Variants in CHEK2 observed in about 807,000 individuals in gnomAD.
CHEK2 encodes the protein checkpoint kinase 2.
CHEK2 carries 71 observed loss-of-function variants against 69.1 expected under a neutral mutation model. That is an observed-to-expected ratio of 1.03 (90% CI 0.85 to 1.25). CHEK2 has a LOEUF of 1.25. CHEK2 is among the 50% of genes most tolerant of loss of function. The pLI is 0.00. For missense variants in CHEK2, 664 were observed against 649.6 expected (o/e 1.02, Z -0.24); for synonymous variants, 189 against 226.9 (o/e 0.83, Z 1.50).
chr22:28,702,461 A>C (rs1240877066), intron 8 of CHEK2, among the ~76,000 whole-genome samples: 8 of 148,804 alleles, frequency 5.4e-5, no homozygotes, highest in Non-Finnish European at 1.0e-4. Flanking sequence ...GATGGCCTCG[A>C]TCTCCTGACC....
intron 4 of CHEK2, among the ~76,000 whole-genome samples, chr22:28,720,176 C>A (rs1329712993): frequency 6.6e-6 from 1 of 150,614 alleles, no homozygotes; most frequent in Non-Finnish European, 1.5e-5. Flanking sequence ...CTGCAACCTC[C>A]ACCTCCCAGG....
At chr22:28,691,410 A>G (rs371991582) in intron 13 of CHEK2, among the ~76,000 whole-genome samples, 722 of 104,034 alleles carry the variant, frequency 6.9e-3, no homozygotes, top group South Asian at 0.012. Context: ...ACCCAGAGGT[A>G]GAGGTTGCAG....
rs144377094 is a variant in CHEK2 at position 28,713,923 on chromosome 22, T to C, written c.684-1906A>G. The stretch of plus-strand genomic sequence containing the variant: ...CTCGAACTCCTGACCTCAGGTTATC[T>C]ACCCACCTCAGCCTCCCAAAGTGCT... On this transcript the variant is annotated intron_variant, in intron 5 of 14. Transcript: ENST00000404276. Among the ~76,000 whole-genome samples the C allele has an allele frequency of 8.7e-4, 129 of 148,242 alleles. 3 individuals are homozygous for C. In the East Asian group the frequency reaches 0.025, roughly 29 times the overall value.
At chr22:28,721,181 A>G (rs1931839890) in intron 4 of CHEK2, among the ~76,000 whole-genome samples, 1 of 152,070 alleles carries the variant, frequency 6.6e-6, no homozygotes, top group African/African-American at 2.4e-5. Flanking sequence ...TTTAGCCTAT[A>G]TGACATCTTT....
intron 7 of CHEK2, chr22:28,708,951 TCAAAAA>T (rs1569136203): frequency 4.4e-6 from 1 of 225,504 alleles, no homozygotes; most frequent in South Asian, 2.4e-5. Flanking sequence ...AGCCTCCGTC[TCAAAAA>T]AAAAAAAAAA....
chr22:28,740,630 T>C (rs901553640), intron 1 of CHEK2, among the ~76,000 whole-genome samples: 1 of 152,242 alleles, frequency 6.6e-6, no homozygotes, highest in African/African-American at 2.4e-5. Context: ...TGTGTGCCCA[T>C]GGCTCTGACC....
intron 13 of CHEK2, among the ~76,000 whole-genome samples, chr22:28,691,150 C>A (rs1160989506): frequency 3.3e-5 from 5 of 152,024 alleles, no homozygotes; most frequent in Non-Finnish European, 7.4e-5. Context: ...TGAAGCCAAA[C>A]AGAGTGGTCA....
intron 2 of CHEK2, among the ~76,000 whole-genome samples, chr22:28,728,453 G>A (rs1601834652): frequency 6.6e-6 from 1 of 152,100 alleles, no homozygotes; most frequent in Non-Finnish European, 1.5e-5. Context: ...TAGCACATTG[G>A]GAGGCCAAGG....
intron 1 of CHEK2, among the ~76,000 whole-genome samples, chr22:28,739,873 T>C (rs1256412432): frequency 6.6e-6 from 1 of 152,152 alleles, no homozygotes; most frequent in Non-Finnish European, 1.5e-5. Context: ...TTAAAAGGCA[T>C]TATGCCAACA....
intron 2 of CHEK2, among the ~76,000 whole-genome samples, chr22:28,731,587 C>G (rs893248455): frequency 3.3e-5 from 5 of 152,136 alleles, no homozygotes; most frequent in Non-Finnish European, 7.4e-5. Flanking sequence ...CAGAGTGAGA[C>G]TCCGTCTCAA....
Position 28,703,494 on chromosome 22 carries a change from T to C in CHEK2, c.908+11A>G. On this transcript the variant is annotated intron_variant, in intron 8 of 14. Coordinates refer to ENST00000404276, the MANE Select transcript of CHEK2 (RefSeq NM_007194.4). The stretch of plus-strand genomic sequence containing the variant: ...ATGGAAACAGAAATTTTTAAAAAGT[T>C]TACTACTTACAATTCCAAAACAATA... The C allele has an allele frequency of 7.7e-7, 1 of 1,305,790 alleles. No individual in the cohort carries two copies. The highest frequency in any genetic ancestry group is 1.1e-6 in the Non-Finnish European group (1 of 914,486). The allele number at this position is 1,305,790 out of a possible 1,614,324, so 80.9% of individuals were successfully genotyped here.
At chr22:28,722,717 GT>G (rs2053843318) in intron 4 of CHEK2, among the ~76,000 whole-genome samples, 1 of 151,958 alleles carries the variant, frequency 6.6e-6, no homozygotes. Flanking sequence ...ACTTTATTTT[GT>G]TTGGTTAGAT....
intron 13 of CHEK2, among the ~76,000 whole-genome samples, chr22:28,691,051 T>C (rs1234812060): frequency 6.6e-6 from 1 of 152,132 alleles, no homozygotes; most frequent in Non-Finnish European, 1.5e-5. Flanking sequence ...TCATCTGGAT[T>C]CTACTCCGCA....
At chr22:28,734,788 A>C (rs1054295435) in intron 1 of CHEK2, 61 bp from the exon 2 acceptor site, 96 of 1,409,246 alleles carry the variant, frequency 6.8e-5, no homozygotes, top group Non-Finnish European at 6.8e-5. Context: ...TAAAATTAAA[A>C]AGTAAATGAT....
At chr22:28,736,595 C>T (rs1030822615) in intron 1 of CHEK2, among the ~76,000 whole-genome samples, 3 of 152,164 alleles carry the variant, frequency 2.0e-5, no homozygotes, top group African/African-American at 4.8e-5. Context: ...AACTGGAGAC[C>T]GTAACAGAGG....
chr22:28,738,601 G>A (rs866906667), intron 1 of CHEK2, among the ~76,000 whole-genome samples: 21 of 152,274 alleles, frequency 1.4e-4, no homozygotes, highest in African/African-American at 4.3e-4. Context: ...GCCATGCAGA[G>A]AAGTGAGTGA....
chr22:28,722,555 A>AAAAG (rs1555925759), intron 4 of CHEK2, among the ~76,000 whole-genome samples: 2 of 146,594 alleles, frequency 1.4e-5, no homozygotes, highest in African/African-American at 2.6e-5. Context: ...AAAAAAAAAA[A>AAAAG]AAAAGAAAAG....
intron 5 of CHEK2, among the ~76,000 whole-genome samples, chr22:28,714,096 G>A (rs2053506155): frequency 1.3e-5 from 2 of 152,074 alleles, no homozygotes; most frequent in Admixed American, 1.3e-4. Context: ...TGTTTTTTAT[G>A]CCCCATAGAG....
At chr22:28,720,125 CTG>C (rs1417765231) in intron 4 of CHEK2, among the ~76,000 whole-genome samples, 1 of 135,984 alleles carries the variant, frequency 7.4e-6, no homozygotes, top group Non-Finnish European at 1.5e-5. Context: ...GAGTTTCACT[CTG>C]TTGCCCAGGC....
Sources: allele counts gnomAD v4.1 joint callset (sites outside exome capture counted in the v4.1 genomes callset), GRCh38; gene constraint gnomAD v4.1.1; transcripts MANE v1.5; gene names NCBI Gene and HGNC (gene_info 2026-07-23, HGNC 2026-07-21).